Variants in PCCA observed in about 807,000 individuals in gnomAD.
The protein encoded by PCCA is propionyl-CoA carboxylase alpha chain, mitochondrial.
Under a neutral mutation model 101.3 loss-of-function variants are expected in PCCA, and 74 were observed. That is an observed-to-expected ratio of 0.73 (90% confidence interval 0.61 to 0.89). The LOEUF (loss-of-function observed/expected upper bound fraction) is 0.89. Among genes scored for constraint, PCCA ranks in the 40% least tolerant of loss-of-function variants. The probability of loss-of-function intolerance (pLI) is 0.00; values close to 1 mark genes in which losing one functional copy is unlikely to be tolerated. For synonymous variants in PCCA, 294 were observed against 313.6 expected, an observed-to-expected ratio of 0.94 and a Z score of 0.66; for missense variants, 891 against 907.0, an observed-to-expected ratio of 0.98 and a Z score of 0.23.
intron 20 of PCCA, among the ~76,000 whole-genome samples, chr13:100,440,456 T>A (rs549625910): frequency 2.1e-4 from 32 of 151,780 alleles, no homozygotes; most frequent in African/African-American, 7.5e-4. Context: ...GTTATTTTCT[T>A]TTCAGTTTTT....
intron 21 of PCCA, among the ~76,000 whole-genome samples, chr13:100,488,620 GTTTTTTTGTTTTGTTTTT>G (rs1401357061): frequency 8.2e-6 from 1 of 121,670 alleles, no homozygotes; most frequent in Non-Finnish European, 1.7e-5. Flanking sequence ...TACAAGTTTT[GTTTTTTTGTTTTGTTTTT>G]TTTTTGTTTT....
At chr13:100,402,854 A>T (rs144628918) in intron 19 of PCCA, among the ~76,000 whole-genome samples, 15 of 152,328 alleles carry the variant, frequency 9.8e-5, no homozygotes, top group Non-Finnish European at 1.8e-4. Context: ...GGCTAGTCCA[A>T]ATTTAAAAAA....
intron 10 of PCCA, among the ~76,000 whole-genome samples, chr13:100,267,924 A>C (rs1049093845): frequency 3.9e-5 from 6 of 152,158 alleles, no homozygotes; most frequent in African/African-American, 1.4e-4. Flanking sequence ...CTTATTTTCC[A>C]TTACAGGTTG....
chr13:100,136,440 C>T (rs2051178966), intron 4 of PCCA, among the ~76,000 whole-genome samples: 1 of 152,114 alleles, frequency 6.6e-6, no homozygotes, highest in African/African-American at 2.4e-5. Flanking sequence ...CCTGTCTTGG[C>T]CTCCCAAAGT....
At chr13:100,493,608 C>T (rs1289404755) in intron 21 of PCCA, among the ~76,000 whole-genome samples, 4 of 152,194 alleles carry the variant, frequency 2.6e-5, no homozygotes, top group Non-Finnish European at 5.9e-5. Flanking sequence ...TGAGAAATCC[C>T]TCTTGTGGTC....
At chr13:100,496,515 T>G (rs1157535167) in intron 21 of PCCA, among the ~76,000 whole-genome samples, 1 of 152,154 alleles carries the variant, frequency 6.6e-6, no homozygotes, top group Non-Finnish European at 1.5e-5. Flanking sequence ...GCTGCTGCGT[T>G]GTCCTCGTTG....
chr13:100,437,571 T>C (rs1028082166), intron 20 of PCCA, among the ~76,000 whole-genome samples: 6 of 152,072 alleles, frequency 3.9e-5, no homozygotes, highest in Admixed American at 6.6e-5. Flanking sequence ...CTGTTTTCAT[T>C]GCCGAAGTAG....
chr13:100,241,103 A>G (rs1044203594), intron 8 of PCCA, among the ~76,000 whole-genome samples: 5 of 152,176 alleles, frequency 3.3e-5, no homozygotes, highest in Non-Finnish European at 7.3e-5. Flanking sequence ...TAAATTTTTA[A>G]TACTATACAA....
At chr13:100,230,649 G>A (rs2060415128) in intron 7 of PCCA, among the ~76,000 whole-genome samples, 1 of 151,986 alleles carries the variant, frequency 6.6e-6, no homozygotes, top group Non-Finnish European at 1.5e-5. Context: ...CTGCCTCCCA[G>A]CCTGACTCTT....
At chr13:100,215,239 C>T (rs2059444763) in intron 7 of PCCA, among the ~76,000 whole-genome samples, 1 of 152,186 alleles carries the variant, frequency 6.6e-6, no homozygotes, top group South Asian at 2.1e-4. Flanking sequence ...TAACTCATCA[C>T]ATTTTAAATC....
At chr13:100,256,287 GA>G (rs1442944756) in intron 8 of PCCA, among the ~76,000 whole-genome samples, 1 of 152,126 alleles carries the variant, frequency 6.6e-6, no homozygotes, top group Non-Finnish European at 1.5e-5. Flanking sequence ...TTACAGACAT[GA>G]GCCACTGTGC....
intron 21 of PCCA, among the ~76,000 whole-genome samples, chr13:100,493,970 T>G (rs778428081): frequency 3.3e-5 from 5 of 150,794 alleles, no homozygotes; most frequent in Admixed American, 6.6e-5. Context: ...GTGGGCAGAT[T>G]ACGAGGTCAG....
At chr13:100,442,751 C>A (rs191728453) in intron 20 of PCCA, among the ~76,000 whole-genome samples, 399 of 152,292 alleles carry the variant, frequency 2.6e-3, no homozygotes, top group African/African-American at 8.9e-3. Context: ...TAGAAAGTCA[C>A]TAGAGAAGGC....
intron 21 of PCCA, among the ~76,000 whole-genome samples, chr13:100,502,035 C>T (rs2085724436): frequency 6.6e-6 from 1 of 152,160 alleles, no homozygotes; most frequent in South Asian, 2.1e-4. Flanking sequence ...GAGAGCACTT[C>T]AGCCAGTGCC....
At chr13:100,479,820 C>T (rs1325053353) in intron 21 of PCCA, 1 of 131,664 alleles carries the variant, frequency 7.6e-6, no homozygotes, top group Admixed American at 7.0e-5. Context: ...CTACTGCTTC[C>T]CTTTGCACTT....
rs142450462 is a variant in PCCA at position 100,250,703 on chromosome 13, G to A, written c.638-6892G>A. On this transcript the variant is annotated intron_variant, in intron 8 of 23. Coordinates refer to ENST00000376285, the MANE Select transcript of PCCA (RefSeq NM_000282.4). Reference sequence around the variant, plus strand: ...AATTGTTGATTGGATTCTAGACATTGTAAATGTTACATTGTGTGTTTGGAT... The same window carrying A: ...AATTGTTGATTGGATTCTAGACATTATAAATGTTACATTGTGTGTTTGGAT... 2.6e-4 allele frequency among the ~76,000 whole-genome samples: 40 copies of A among 152,222 alleles called. No individual in the cohort carries two copies. The East Asian group carries it at 4.6e-3, about 18-fold the overall frequency.
At chr13:100,271,283 C>G (rs1216966339) in intron 11 of PCCA, among the ~76,000 whole-genome samples, 1 of 152,056 alleles carries the variant, frequency 6.6e-6, no homozygotes, top group Non-Finnish European at 1.5e-5. Context: ...TAGGTTAATG[C>G]AAACTATATT....
intron 10 of PCCA, among the ~76,000 whole-genome samples, chr13:100,263,843 G>GTATA (rs71777843): frequency 0.019 from 2,797 of 144,758 alleles, 70 homozygotes; most frequent in African/African-American, 0.049. Flanking sequence ...TCTGTATATC[G>GTATA]TATATATATA....
At chr13:100,485,032 C>G (rs982159371) in intron 21 of PCCA, among the ~76,000 whole-genome samples, 9 of 152,186 alleles carry the variant, frequency 5.9e-5, no homozygotes, top group Non-Finnish European at 2.9e-5. Flanking sequence ...GACTCTCCCT[C>G]CCTTCCTGCC....
Sources: allele counts gnomAD v4.1 joint callset (sites outside exome capture counted in the v4.1 genomes callset), GRCh38; gene constraint gnomAD v4.1.1; transcripts MANE v1.5; gene names NCBI Gene and HGNC (gene_info 2026-07-23, HGNC 2026-07-21).